The following IPCEF1 variants were observed in gnomAD, a reference collection of about 807,000 sequenced individuals.
The protein encoded by IPCEF1 is interaction protein for cytohesin exchange factors 1, also known as interactor protein for cytohesin exchange factors 1.
IPCEF1 carries 31 observed loss-of-function variants against 50.9 expected under a neutral mutation model. The ratio of observed to expected loss-of-function variants is 0.61; its 90% confidence interval spans 0.46 to 0.82. IPCEF1 has a LOEUF of 0.82. Ranked by LOEUF, IPCEF1 falls within the 40% of genes least tolerant of loss-of-function variation. The pLI is 0.00. For missense variants in IPCEF1, 458 were observed against 514.0 expected (o/e 0.89, Z 1.05); for synonymous variants, 181 against 192.0 (o/e 0.94, Z 0.47).
intron 9 of IPCEF1, among the ~76,000 whole-genome samples, chr6:154,208,086 G>A (rs1777648080): frequency 6.6e-6 from 1 of 151,504 alleles, no homozygotes; most frequent in African/African-American, 2.4e-5. Flanking sequence ...GCAGATTGGG[G>A]GCTCCATTTG....
At chr6:154,259,873 T>C (rs1035292723) in intron 3 of IPCEF1, among the ~76,000 whole-genome samples, 2 of 152,108 alleles carry the variant, frequency 1.3e-5, no homozygotes, top group Non-Finnish European at 2.9e-5. Context: ...AAGAGCAGCG[T>C]TGGCCCCTTA....
At chr6:154,238,122 T>C (rs901015563) in intron 5 of IPCEF1, among the ~76,000 whole-genome samples, 7 of 152,236 alleles carry the variant, frequency 4.6e-5, no homozygotes, top group Non-Finnish European at 8.8e-5. Flanking sequence ...TTTCTATGTA[T>C]TACTTAGTGA....
At chr6:154,295,071 C>A (rs12200072) in intron 1 of IPCEF1, among the ~76,000 whole-genome samples, 3 of 151,774 alleles carry the variant, frequency 2.0e-5, no homozygotes, top group Non-Finnish European at 4.4e-5. Flanking sequence ...GGTGGCGGTC[C>A]CCTGTGGTCC....
chr6:154,165,487 T>G (rs911542816), intron 11 of IPCEF1, among the ~76,000 whole-genome samples: 3 of 152,234 alleles, frequency 2.0e-5, no homozygotes, highest in Admixed American at 6.5e-5. Context: ...CACATCAGCA[T>G]GTCCTCCTAC....
chr6:154,282,100 C>T (rs534410757), intron 2 of IPCEF1, among the ~76,000 whole-genome samples: 9 of 151,708 alleles, frequency 5.9e-5, no homozygotes, highest in East Asian at 3.9e-4. Flanking sequence ...ACCTGGGAAG[C>T]GGAGGTGGCA....
intron 3 of IPCEF1, among the ~76,000 whole-genome samples, chr6:154,257,037 TTAAGA>T (rs1781479308): frequency 2.0e-5 from 3 of 152,340 alleles, no homozygotes; most frequent in Admixed American, 2.0e-4. Context: ...CATTTTCAAC[TTAAGA>T]TATTTTCAAT....
At chr6:154,298,991 G>A (rs1325512270) in intron 1 of IPCEF1, among the ~76,000 whole-genome samples, 1 of 139,932 alleles carries the variant, frequency 7.1e-6, no homozygotes, top group Non-Finnish European at 1.6e-5. Flanking sequence ...ACCAATATTA[G>A]CATTGTGCAC....
chr6:154,222,212 G>A (rs983507130), intron 6 of IPCEF1, among the ~76,000 whole-genome samples: 3 of 152,164 alleles, frequency 2.0e-5, no homozygotes. Flanking sequence ...AAATGAGAAG[G>A]GCTTCCACTT....
intron 9 of IPCEF1, among the ~76,000 whole-genome samples, chr6:154,205,691 T>C (rs538998749): frequency 3.3e-5 from 5 of 152,354 alleles, no homozygotes; most frequent in Non-Finnish European, 5.9e-5. Flanking sequence ...GCTGCTGAAT[T>C]TGAGCGGCTG....
At chr6:154,314,274 C>T (rs1332020757) in intron 1 of IPCEF1, among the ~76,000 whole-genome samples, 1 of 152,144 alleles carries the variant, frequency 6.6e-6, no homozygotes, top group Non-Finnish European at 1.5e-5. Flanking sequence ...GGGGGAAATG[C>T]CCAATATAAA....
At position 154,210,645 on chromosome 6, in the gene IPCEF1, T is replaced by C. The variant is rs539668892; in HGVS notation, c.537+2125A>G. Among the ~76,000 whole-genome samples, 3 of 152,260 alleles carry C rather than the reference T, an allele frequency of 2.0e-5. No individual in the cohort carries two copies. In the South Asian group the frequency reaches 6.2e-4, roughly 32 times the overall value. On this transcript the variant is annotated intron_variant, in intron 9 of 11. Transcript: ENST00000367220. ...TGAAAGATATAAAGAAAATAAAAGC[T>C]TTTTCTAAAATCCAAAATTGATTTT...
Position 154,168,198 on chromosome 6 carries a change from A to G in IPCEF1, c.911-85T>C, listed in dbSNP as rs755588405. The stretch of plus-strand genomic sequence containing the variant: ...ACATTCAATACTGTGGTCCCAAGGC[A>G]CGGCCCCACTGGCACCCTCATCTCA... On this transcript the variant is annotated intron_variant, in intron 10 of 11. Transcript: ENST00000367220. This position sits in a 1 kb window ranked among gnomAD's most constrained non-coding sequence, Gnocchi z 4.1. The G allele has an allele frequency of 3.9e-5, 39 of 992,026 alleles. No individual in the cohort carries two copies. Among genetic ancestry groups the G allele is most frequent in the Non-Finnish European group, 5.5e-5 (38 of 688,534 alleles). 61.5% of individuals were successfully genotyped at this position (992,026 alleles called of 1,614,324 possible). A position where few individuals can be genotyped will look rare whatever the true frequency, so the allele number is the denominator to read the frequency against.
At chr6:154,291,464 A>G (rs572791584) in intron 1 of IPCEF1, among the ~76,000 whole-genome samples, 4 of 152,230 alleles carry the variant, frequency 2.6e-5, no homozygotes, top group African/African-American at 7.2e-5. Context: ...GCTTGTAGGA[A>G]TAGGTAGCAA....
intron 2 of IPCEF1, among the ~76,000 whole-genome samples, chr6:154,276,750 C>A (rs1259371727): frequency 1.3e-5 from 2 of 152,198 alleles, no homozygotes; most frequent in African/African-American, 2.4e-5. Context: ...TTTTTGCAAA[C>A]AGTAGATCTC....
At chr6:154,263,169 C>T (rs566159100) in intron 3 of IPCEF1, among the ~76,000 whole-genome samples, 6 of 151,526 alleles carry the variant, frequency 4.0e-5, no homozygotes, top group Non-Finnish European at 5.9e-5. Flanking sequence ...TACAGATCTG[C>T]AATGTCCATT....
At chr6:154,263,006 C>A (rs990031838) in intron 3 of IPCEF1, among the ~76,000 whole-genome samples, 1 of 151,758 alleles carries the variant, frequency 6.6e-6, no homozygotes, top group Non-Finnish European at 1.5e-5. Context: ...CATCTCCTGA[C>A]CTTGTGATCC....
At chr6:154,263,995 C>CG (rs560767442) in intron 3 of IPCEF1, among the ~76,000 whole-genome samples, 3,276 of 91,884 alleles carry the variant, frequency 0.036, 180 homozygotes, top group African/African-American at 0.14. Flanking sequence ...GCTGGCCGGG[C>CG]GGGGGGCTGA....
Position 154,273,724 on chromosome 6 carries a change from CTTTTTTTTTTTTTTT to C in IPCEF1, c.-17-7775_-17-7761del, listed in dbSNP as rs71021036. ...TCTTTTTTTCTTTCTTTCTTTCTTT[CTTTTTTTTTTTTTTT>C]TTTTTTTTTTTTTTTTTTTTTTTTT... On this transcript the variant is annotated intron_variant, in intron 2 of 11. Transcript: ENST00000367220. 1.6e-3 allele frequency among the ~76,000 whole-genome samples: 100 copies of C among 63,314 alleles called. 2 individuals carry two copies. Among genetic ancestry groups the C allele is most frequent in the African/African-American group, 4.5e-3 (81 of 17,840 alleles). 41.5% of individuals were successfully genotyped at this position (63,314 alleles called of 152,430 possible).
chr6:154,209,393 G>A (rs1264394834), intron 9 of IPCEF1, among the ~76,000 whole-genome samples: 1 of 152,100 alleles, frequency 6.6e-6, no homozygotes, highest in Non-Finnish European at 1.5e-5. Context: ...GCTTACGCTT[G>A]TAATCCTAGC....
Sources: allele counts gnomAD v4.1 joint callset (sites outside exome capture counted in the v4.1 genomes callset), GRCh38; gene constraint gnomAD v4.1.1; non-coding constraint Gnocchi (gnomAD v3.1); transcripts MANE v1.5; gene names NCBI Gene and HGNC (gene_info 2026-07-23, HGNC 2026-07-21).